Variants in PHKB observed in about 807,000 individuals in gnomAD.
PHKB encodes the protein phosphorylase b kinase regulatory subunit beta.
PHKB carries 122 observed loss-of-function variants against 152.1 expected under a neutral mutation model. That is an observed-to-expected ratio of 0.80 (90% confidence interval 0.69 to 0.93). The LOEUF (loss-of-function observed/expected upper bound fraction) is 0.93, where lower values mean the gene tolerates loss of function less well. Ranked by LOEUF, PHKB falls within the 40% of genes least tolerant of loss-of-function variation. PHKB has a pLI of 0.00. For synonymous variants in PHKB, 436 were observed against 464.9 expected (o/e 0.94, Z 0.80); for missense variants, 1,304 against 1,328.4 (o/e 0.98, Z 0.29).
rs1329491959 is a variant in PHKB at position 47,525,398 on chromosome 16, G to GA, written c.594+9803dup. ...TCAGTGTTAAGAGATGTATAAATAG[G>GA]AAAAAATATATGAAATAAGGTAAAT... On this transcript the variant is annotated intron_variant, in intron 6 of 30. Transcript: ENST00000323584. Among the ~76,000 whole-genome samples the GA allele has an allele frequency of 5.3e-5, 8 of 152,156 alleles. No individual in the cohort carries two copies. The East Asian group carries it at 1.2e-3, about 22-fold the overall frequency.
intron 14 of PHKB, among the ~76,000 whole-genome samples, chr16:47,611,976 A>G (rs887422618): frequency 6.6e-5 from 10 of 152,196 alleles, no homozygotes; most frequent in African/African-American, 1.4e-4. Flanking sequence ...TGTTGGTACA[A>G]TTGGCAGAGT....
intron 26 of PHKB, among the ~76,000 whole-genome samples, chr16:47,679,868 C>G (rs1973814421): frequency 6.6e-6 from 1 of 152,148 alleles, no homozygotes; most frequent in Admixed American, 6.5e-5. Context: ...GGGAATGCTT[C>G]CAGTTTTTGC....
At chr16:47,541,120 A>G (rs1389684190) in intron 6 of PHKB, among the ~76,000 whole-genome samples, 4 of 151,930 alleles carry the variant, frequency 2.6e-5, no homozygotes, top group African/African-American at 7.3e-5. Context: ...TACATTAGGT[A>G]TTTCTCCTAA....
At chr16:47,694,186 T>C (rs1488674397) in intron 28 of PHKB, among the ~76,000 whole-genome samples, 1 of 152,214 alleles carries the variant, frequency 6.6e-6, no homozygotes, top group Non-Finnish European at 1.5e-5. Flanking sequence ...GTTAGTGCCC[T>C]CTCCTTCTGA....
At chr16:47,479,495 G>A (rs1476478061) in intron 1 of PHKB, among the ~76,000 whole-genome samples, 2 of 145,368 alleles carry the variant, frequency 1.4e-5, no homozygotes, top group African/African-American at 5.1e-5. Context: ...TACTATCACT[G>A]TAGAGCCTTG....
chr16:47,678,546 T>C (rs1468704139), intron 26 of PHKB, among the ~76,000 whole-genome samples: 1 of 152,054 alleles, frequency 6.6e-6, no homozygotes, highest in Admixed American at 6.6e-5. Context: ...TTTCATGTGT[T>C]TTTTGGCTGC....
chr16:47,580,499 G>T, intron 8 of PHKB, 141 bp downstream of exon 8: 3 of 514,520 alleles, frequency 5.8e-6, no homozygotes, highest in Non-Finnish European at 3.5e-6. Context: ...CTTTTCCTTT[G>T]AAAATGATTT....
intron 1 of PHKB, among the ~76,000 whole-genome samples, chr16:47,476,885 C>T (rs1969878370): frequency 6.6e-6 from 1 of 152,164 alleles, no homozygotes; most frequent in African/African-American, 2.4e-5. Flanking sequence ...GAATAAAATG[C>T]AAACCTGGAA....
At chr16:47,662,134 A>G (rs1973456148) in intron 23 of PHKB, among the ~76,000 whole-genome samples, 1 of 152,200 alleles carries the variant, frequency 6.6e-6, no homozygotes, top group South Asian at 2.1e-4. Context: ...TATCTTCTCT[A>G]ATTTTTCAAG....
At position 47,526,109 on chromosome 16, in the gene PHKB, TA is replaced by T. The variant is rs112268915; in HGVS notation, c.594+10516del. Among the ~76,000 whole-genome samples, 497 of 151,752 alleles carry T rather than the reference TA, an allele frequency of 3.3e-3. 1 individual carries two copies. Among genetic ancestry groups the T allele is most frequent in the African/African-American group, 0.012 (477 of 41,364 alleles). On this transcript the variant is annotated intron_variant, in intron 6 of 30. Coordinates refer to ENST00000323584, the MANE Select transcript of PHKB (RefSeq NM_000293.3). The stretch of plus-strand genomic sequence containing the variant: ...TCTAACCAGGGCCTCAAAATTGGGT[TA>T]AAAAAAATGACTAGGCCATCTGGGT...
rs568105487 is a variant in PHKB, at chr16:47,547,100, C to T, written c.595-333C>T. On this transcript the variant is annotated intron_variant, in intron 6 of 30. Coordinates refer to ENST00000323584, the MANE Select transcript of PHKB (RefSeq NM_000293.3). ...CCCCACCCTGCTTCAGCTCGCCTTC[C>T]GTGGGCTGCATCCACTGTCCGACTA... 4.6e-5 allele frequency among the ~76,000 whole-genome samples: 7 copies of T among 152,266 alleles called. No individual in the cohort carries two copies. The South Asian group carries it at 6.2e-4, about 14-fold the overall frequency.
At chr16:47,600,515 T>C (rs1233595043) in intron 13 of PHKB, among the ~76,000 whole-genome samples, 1 of 152,342 alleles carries the variant, frequency 6.6e-6, no homozygotes, top group Admixed American at 6.5e-5. Context: ...GAGTACCTTT[T>C]TGAGCTATTT....
rs1970293051 is a variant in PHKB, at chr16:47,499,776, T to C, written c.187T>C (p.Tyr63His). The C allele has an allele frequency of 4.3e-6, 7 of 1,614,208 alleles. No individual in the cohort carries two copies. Among genetic ancestry groups the C allele is most frequent in the Non-Finnish European group, 5.9e-6 (7 of 1,180,016 alleles). Residue 63 changes from tyrosine to histidine, a missense_variant, in exon 3 of 31, where the codon TAT (tyrosine) becomes CAT (histidine). Transcript: ENST00000323584. ...TGCAGTCAAGTCAACATTGCTGCTG[T>C]ATCAAAGTCCAACTACCGGTCTCTT... ...YRIVKSTLLL[Y>H]QSPTTGLFPT...
intron 5 of PHKB, among the ~76,000 whole-genome samples, chr16:47,514,615 G>C (rs573286067): frequency 1.3e-5 from 2 of 152,170 alleles, no homozygotes; most frequent in Non-Finnish European, 2.9e-5. Flanking sequence ...GCCAACTCAC[G>C]TGCCAGCTTC....
chr16:47,548,693 A>G (rs536608993), intron 7 of PHKB, among the ~76,000 whole-genome samples: 1 of 152,278 alleles, frequency 6.6e-6, no homozygotes, highest in African/African-American at 2.4e-5. Flanking sequence ...CTAATCACAC[A>G]CACAAAAATA....
At chr16:47,551,501 A>T (rs1971270312) in intron 7 of PHKB, among the ~76,000 whole-genome samples, 1 of 152,156 alleles carries the variant, frequency 6.6e-6, no homozygotes, top group Non-Finnish European at 1.5e-5. Flanking sequence ...CAAGTTCTTC[A>T]GTTTCCATGT....
At chr16:47,650,785 C>A in intron 19 of PHKB, 46 bp from the exon 20 acceptor site, 1 of 1,411,630 alleles carries the variant, frequency 7.1e-7, no homozygotes, top group Non-Finnish European at 1.0e-6. Context: ...TATTAATTTA[C>A]CATTCTGTTG....
intron 7 of PHKB, among the ~76,000 whole-genome samples, chr16:47,570,288 A>C (rs1472063816): frequency 6.6e-6 from 1 of 152,184 alleles, no homozygotes; most frequent in African/African-American, 2.4e-5. Flanking sequence ...TGAATCTCCC[A>C]GGAGTTTTTT....
intron 26 of PHKB, among the ~76,000 whole-genome samples, chr16:47,688,188 G>A (rs1195196187): frequency 1.3e-5 from 2 of 152,178 alleles, no homozygotes; most frequent in Non-Finnish European, 2.9e-5. Context: ...GTTCACTGAA[G>A]GATTTAAGGA....
Sources: allele counts gnomAD v4.1 joint callset (sites outside exome capture counted in the v4.1 genomes callset), GRCh38; gene constraint gnomAD v4.1.1; transcripts MANE v1.5; gene names NCBI Gene and HGNC (gene_info 2026-07-23, HGNC 2026-07-21).